The following FBXW11 variants were observed in gnomAD, a reference collection of about 807,000 sequenced individuals.
The protein encoded by FBXW11 is F-box/WD repeat-containing protein 11.
In FBXW11, 19 loss-of-function variants were observed where a neutral mutation model predicts 77.6. That is an observed-to-expected ratio of 0.24 (90% CI 0.17 to 0.36). FBXW11 has a LOEUF of 0.36. Ranked by LOEUF, FBXW11 falls within the 10% of genes least tolerant of loss-of-function variation. FBXW11 has a pLI of 1.00. For synonymous variants in FBXW11, 235 were observed against 249.4 expected (o/e 0.94, Z 0.54); for missense variants, 334 against 704.2 (o/e 0.47, Z 5.95).
intron 1 of FBXW11, among the ~76,000 whole-genome samples, chr5:171,958,526 T>C (rs2113327230): frequency 6.6e-6 from 1 of 152,348 alleles, no homozygotes; most frequent in East Asian, 1.9e-4. Flanking sequence ...GATTTTCATT[T>C]TAGACTTTGT....
intron 7 of FBXW11, among the ~76,000 whole-genome samples, chr5:171,886,513 G>A (rs1758889641): frequency 6.6e-6 from 1 of 151,796 alleles, no homozygotes; most frequent in Non-Finnish European, 1.5e-5. Context: ...CATGGCACAT[G>A]TATACATATG....
At chr5:171,952,050 G>C (rs184002970) in intron 2 of FBXW11, among the ~76,000 whole-genome samples, 4 of 152,170 alleles carry the variant, frequency 2.6e-5, no homozygotes, top group Non-Finnish European at 4.4e-5. Context: ...TAAATCCAGA[G>C]CCATTCTAAG....
chr5:172,004,645 C>A (rs1013212338), intron 1 of FBXW11, among the ~76,000 whole-genome samples: 1 of 152,052 alleles, frequency 6.6e-6, no homozygotes, highest in Non-Finnish European at 1.5e-5. Context: ...CAAAGAGGCA[C>A]CAAGTTACAA....
At chr5:171,902,046 C>A (rs540914312) in intron 4 of FBXW11, among the ~76,000 whole-genome samples, 6 of 152,220 alleles carry the variant, frequency 3.9e-5, no homozygotes, top group African/African-American at 9.6e-5. Context: ...AGCACTGATG[C>A]CGCATCAATA....
intron 1 of FBXW11, among the ~76,000 whole-genome samples, chr5:171,986,557 T>G (rs1581078954): frequency 6.6e-6 from 1 of 151,794 alleles, no homozygotes; most frequent in African/African-American, 2.4e-5. Context: ...CAAAGCCCCA[T>G]CTCTGCTAAA....
At chr5:171,889,635 G>A (rs775963308) in intron 7 of FBXW11, among the ~76,000 whole-genome samples, 3 of 151,560 alleles carry the variant, frequency 2.0e-5, no homozygotes, top group Admixed American at 1.3e-4. Flanking sequence ...GCCTGTAATC[G>A]GGGCACTTTG....
intron 1 of FBXW11, among the ~76,000 whole-genome samples, chr5:171,959,575 T>C (rs1214281255): frequency 2.0e-5 from 3 of 151,900 alleles, no homozygotes; most frequent in African/African-American, 7.3e-5. Flanking sequence ...AGACCAGGAA[T>C]GGTGGCTCAC....
intron 1 of FBXW11, among the ~76,000 whole-genome samples, chr5:171,983,439 A>T (rs927207403): frequency 6.6e-6 from 1 of 152,084 alleles, no homozygotes; most frequent in Non-Finnish European, 1.5e-5. Context: ...GGGAACCCCA[A>T]CTTGAAGCAA....
At chr5:171,972,579 C>G (rs1440951831) in intron 1 of FBXW11, among the ~76,000 whole-genome samples, 2 of 145,874 alleles carry the variant, frequency 1.4e-5, no homozygotes, top group Non-Finnish European at 3.0e-5. Flanking sequence ...GAGCCTCACT[C>G]TGTCACCCAG....
At chr5:171,968,835 C>G (rs1036327574) in intron 1 of FBXW11, among the ~76,000 whole-genome samples, 1 of 152,146 alleles carries the variant, frequency 6.6e-6, no homozygotes, top group Non-Finnish European at 1.5e-5. Context: ...CATCATGAGT[C>G]AAAAGACTTT....
intron 4 of FBXW11, among the ~76,000 whole-genome samples, chr5:171,907,572 A>G (rs1760610785): frequency 6.6e-6 from 1 of 152,196 alleles, no homozygotes; most frequent in African/African-American, 2.4e-5. Flanking sequence ...GTCCTCAGCT[A>G]TTAGATTCAT....
intron 1 of FBXW11, among the ~76,000 whole-genome samples, chr5:172,005,434 G>C (rs1021884643): frequency 1.3e-5 from 2 of 152,164 alleles, no homozygotes; most frequent in African/African-American, 4.8e-5. Flanking sequence ...GGTAATATCT[G>C]CCATATTTTA....
At chr5:171,887,282 C>G (rs1758971966) in intron 7 of FBXW11, among the ~76,000 whole-genome samples, 1 of 152,224 alleles carries the variant, frequency 6.6e-6, no homozygotes, top group Middle Eastern at 3.4e-3. Flanking sequence ...CACTGCCATA[C>G]ATATAGGAAA....
intron 1 of FBXW11, among the ~76,000 whole-genome samples, chr5:171,959,731 T>C (rs759612718): frequency 4.6e-5 from 7 of 151,488 alleles, no homozygotes; most frequent in Non-Finnish European, 8.8e-5. Context: ...ACACCTGTAA[T>C]CCCAGCTACT....
intron 1 of FBXW11, among the ~76,000 whole-genome samples, chr5:171,965,228 T>TA: frequency 6.6e-6 from 1 of 152,286 alleles, no homozygotes; most frequent in East Asian, 1.9e-4. Context: ...TATTCTAAGG[T>TA]AAGATATTAG....
chr5:171,906,105 G>A (rs1183338855), intron 4 of FBXW11, among the ~76,000 whole-genome samples: 1 of 152,162 alleles, frequency 6.6e-6, no homozygotes, highest in Non-Finnish European at 1.5e-5. Flanking sequence ...TCAATTAAAT[G>A]CCCTTGACTA....
chr5:171,948,987 T>C (rs1290445027), intron 2 of FBXW11, among the ~76,000 whole-genome samples: 1 of 152,246 alleles, frequency 6.6e-6, no homozygotes, highest in African/African-American at 2.4e-5. Flanking sequence ...AAAATATTAA[T>C]TTATTTGCTG....
chr5:171,881,296 A>G (rs1204614178), intron 7 of FBXW11, among the ~76,000 whole-genome samples: 1 of 152,156 alleles, frequency 6.6e-6, no homozygotes, highest in Non-Finnish European at 1.5e-5. Context: ...TCCTGACCTT[A>G]GTGGGAAAGT....
chr5:171,978,214 G>A lies in FBXW11; in HGVS notation c.46-20516C>T, dbSNP rs116448413. Among the ~76,000 whole-genome samples, 1,132 of 152,256 alleles carry A rather than the reference G, an allele frequency of 7.4e-3. 21 individuals carry two copies. The highest frequency in any genetic ancestry group is 0.026 in the African/African-American group (1,092 of 41,548). ...TGACTCAAGTGCAGAAAGCGAGGGT[G>A]AAAAAGAGCAAAAATAGACAAGACT... On this transcript the variant is annotated intron_variant, in intron 1 of 13. Coordinates refer to ENST00000517395, the MANE Select transcript of FBXW11 (RefSeq NM_001378974.1).
Sources: gnomAD v4.1 joint callset for allele counts (sites outside exome capture counted in the v4.1 genomes callset) on GRCh38, gnomAD v4.1.1 for gene constraint, MANE v1.5 for transcripts, NCBI Gene and HGNC (gene_info 2026-07-23, HGNC 2026-07-21) for gene names.